LAMA4: variants seen among roughly 807,000 people sequenced by gnomAD.
LAMA4 encodes the protein laminin subunit alpha 4.
Under a neutral mutation model 207.1 loss-of-function variants are expected in LAMA4, and 127 were observed. That is an observed-to-expected ratio of 0.61 (90% CI 0.53 to 0.71). LAMA4 has a LOEUF of 0.71. Ranked by LOEUF, LAMA4 falls within the 30% of genes least tolerant of loss-of-function variation. The pLI is 0.00. For missense variants in LAMA4, 2,093 were observed against 2,246.5 expected, an observed-to-expected ratio of 0.93 and a Z score of 1.38; for synonymous variants, 761 against 816.0, an observed-to-expected ratio of 0.93 and a Z score of 1.15.
intron 27 of LAMA4, among the ~76,000 whole-genome samples, 194 bp from the exon 28 acceptor site, chr6:112,133,084 A>T (rs1428026727): frequency 4.6e-5 from 7 of 152,018 alleles, no homozygotes; most frequent in Admixed American, 4.6e-4. Context: ...TTCTCCACTG[A>T]CTCCAACCTG....
chr6:112,215,444 T>C (rs1554358295), intron 3 of LAMA4, among the ~76,000 whole-genome samples: 1 of 152,234 alleles, frequency 6.6e-6, no homozygotes, highest in Admixed American at 6.5e-5. Flanking sequence ...AATTATCTAA[T>C]AGGGACAATT....
chr6:112,247,200 G>A (rs1360713752), intron 2 of LAMA4, among the ~76,000 whole-genome samples: 1 of 152,190 alleles, frequency 6.6e-6, no homozygotes, highest in Non-Finnish European at 1.5e-5. Context: ...AATTTCACAA[G>A]AATTTTGCAA....
intron 31 of LAMA4, among the ~76,000 whole-genome samples, chr6:112,127,491 T>G (rs1554328028): frequency 6.6e-6 from 1 of 151,912 alleles, no homozygotes; most frequent in East Asian, 1.9e-4. Flanking sequence ...ATTCTAGGAA[T>G]AGTTGGGAGG....
At chr6:112,169,946 C>A (rs1288635793) in intron 12 of LAMA4, among the ~76,000 whole-genome samples, 2 of 152,244 alleles carry the variant, frequency 1.3e-5, no homozygotes, top group Non-Finnish European at 2.9e-5. Context: ...ACCAGCAAAT[C>A]GGCTGGTTTG....
intron 8 of LAMA4, chr6:112,186,650 A>C: frequency 5.2e-6 from 2 of 383,580 alleles, no homozygotes; most frequent in South Asian, 4.2e-5. Context: ...AATACTTTAA[A>C]TCATCTCTAG....
intron 6 of LAMA4, among the ~76,000 whole-genome samples, chr6:112,189,587 G>A (rs1400033578): frequency 6.6e-6 from 1 of 152,096 alleles, no homozygotes; most frequent in Non-Finnish European, 1.5e-5. Flanking sequence ...TCCCTTCCTT[G>A]CAGACTGATA....
At chr6:112,253,788 T>G (rs781935724) in intron 2 of LAMA4, 168 bp downstream of exon 2, 1 of 1,614,106 alleles carries the variant, frequency 6.2e-7, no homozygotes, top group Non-Finnish European at 8.5e-7. Context: ...CAAATGCAAC[T>G]TACAAAGGAA....
chr6:112,192,829 C>A (rs1208122379), intron 5 of LAMA4, among the ~76,000 whole-genome samples: 1 of 152,172 alleles, frequency 6.6e-6, no homozygotes, highest in African/African-American at 2.4e-5. Context: ...CCTGTAGGCC[C>A]CATGTAAGGG....
Position 112,144,888 on chromosome 6 carries a change from C to T in LAMA4, c.2399G>A (p.Arg800His), listed in dbSNP as rs781955013. ...EVVPQLLDQL[R>H]TVEQKRPASN... is the part of the protein sequence containing the mutation. ...TGCAGGTCGCTTCTGCTCAACCGTA[C>T]GAAGCTGATCCAGGAGCTGAGGGAC... Residue 800 changes from arginine to histidine, a missense_variant, in exon 19 of 39, where the codon CGT becomes CAT. Arg to His is a conservative substitution (Grantham distance 29, BLOSUM62 0). Transcript: ENST00000230538. The T allele has an allele frequency of 1.4e-5, 22 of 1,613,846 alleles. No homozygotes were observed. The highest frequency in any genetic ancestry group is 1.2e-4 in the African/African-American group (9 of 74,922).
intron 19 of LAMA4, 56 bp downstream of exon 19, chr6:112,144,738 C>A: frequency 1.3e-6 from 2 of 1,593,084 alleles, no homozygotes; most frequent in East Asian, 4.5e-5. Flanking sequence ...GCAGTTGGAG[C>A]TCAGCTTCGT....
At chr6:112,227,046 TTTA>T (rs1554362768) in intron 2 of LAMA4, among the ~76,000 whole-genome samples, 1 of 89,356 alleles carries the variant, frequency 1.1e-5, no homozygotes, top group African/African-American at 6.1e-5. Context: ...GACTATTTTA[TTTA>T]TTTATTTATT....
intron 18 of LAMA4, 47 bp from the exon 19 acceptor site, chr6:112,144,980 TA>T (rs1276702206): frequency 6.7e-7 from 1 of 1,497,420 alleles, no homozygotes; most frequent in African/African-American, 1.4e-5. Context: ...CTCAATATTA[TA>T]TTTCAAGAAT....
In LAMA4 at chr6:112,193,406, AT is replaced by A. The variant is rs774775547; in HGVS notation, c.504-1557del. On this transcript the variant is annotated intron_variant, in intron 5 of 38. Transcript: ENST00000230538. ...CTGGCCAGTAATAATAAAACACTAC[AT>A]TTTTTTTAAAGGATTCCCTTTAAAG... Among the ~76,000 whole-genome samples, 5 of 151,810 alleles carry A rather than the reference AT, an allele frequency of 3.3e-5. 1 individual carries two copies. The highest frequency in any genetic ancestry group is 4.2e-4 in the South Asian group (2 of 4,794).
intron 2 of LAMA4, chr6:112,216,792 A>C (rs1301814603): frequency 1.1e-5 from 4 of 357,764 alleles, no homozygotes; most frequent in African/African-American, 2.1e-5. Flanking sequence ...AAAAAATGCT[A>C]ATGTTTTCTT....
rs151119304 is a variant in LAMA4 at position 112,172,772 on chromosome 6, G to C, written c.1390C>G (p.His464Asp). 137 of 1,613,882 alleles carry C rather than the reference G, an allele frequency of 8.5e-5. No homozygotes were observed. Among genetic ancestry groups the C allele is most frequent in the Admixed American group, 1.7e-4 (10 of 60,002 alleles). ...GGAAACAGAGTGCGGGTCTCATTGTGCAGCCGCTGCCAGCTCTCAGCCTGG... is the reference window on the plus strand; with the variant it reads ...GGAAACAGAGTGCGGGTCTCATTGTCCAGCCGCTGCCAGCTCTCAGCCTGG... ...LSQAESWQRL[H>D]NETRTLFPVV... Residue 464 changes from histidine (H) to aspartate (D), a missense_variant, in exon 12 of 39, where the codon CAC (histidine) becomes GAC (aspartate). Coordinates refer to ENST00000230538, the MANE Select transcript of LAMA4 (RefSeq NM_001105206.3).
chr6:112,134,853 A>G (rs1200006086), intron 25 of LAMA4, among the ~76,000 whole-genome samples: 1 of 152,190 alleles, frequency 6.6e-6, no homozygotes, highest in Non-Finnish European at 1.5e-5. Flanking sequence ...CAGCCCAAGA[A>G]AAATTTTGCG....
intron 13 of LAMA4, 59 bp downstream of exon 13, chr6:112,165,101 T>G: frequency 1.1e-5 from 10 of 880,912 alleles, no homozygotes; most frequent in Non-Finnish European, 1.8e-5. Flanking sequence ...TCTGTGACAC[T>G]GAGCTGCTGT....
At chr6:112,169,265 G>A (rs2114850245) in intron 12 of LAMA4, among the ~76,000 whole-genome samples, 1 of 152,302 alleles carries the variant, frequency 6.6e-6, no homozygotes, top group African/African-American at 2.4e-5. Context: ...GGAGAACCCA[G>A]AGCAGGAGGG....
rs914853512 is a variant in LAMA4, at chr6:112,172,683, G to T, written c.1479C>A (p.Asp493Glu). ...CATCCCTGACATAGTTAAGGGCCTG[G>T]TCAAGTGCTTCCTGGAGATCTGACA... is the stretch of plus-strand genomic sequence containing the variant. ...AKLSDLQEAL[D>E]QALNYVRDAE... Residue 493 changes from aspartate (D) to glutamate (E), a missense_variant, in exon 12 of 39, where the codon GAC becomes GAA. By Grantham distance (45) the Asp-to-Glu change is conservative. Around this residue, in one of 3 missense-constraint regions of LAMA4, gnomAD observed 1,704 missense variants for 1,788.4 expected, o/e 0.95. Transcript: ENST00000230538. 1 of 1,613,792 alleles carries T rather than the reference G, an allele frequency of 6.2e-7. No homozygotes were observed. The highest frequency in any genetic ancestry group is 1.3e-5 in the African/African-American group (1 of 74,896).
Sources: gnomAD v4.1 joint callset for allele counts (sites outside exome capture counted in the v4.1 genomes callset) on GRCh38, gnomAD v4.1.1 for gene constraint, gnomAD v4.1.1 regional missense constraint, MANE v1.5 for transcripts, NCBI Gene and HGNC (gene_info 2026-07-23, HGNC 2026-07-21) for gene names.